EXOC1: variants seen among roughly 807,000 people sequenced by gnomAD.
The protein encoded by EXOC1 is exocyst complex component 1, also known as SEC3-like 1.
EXOC1 carries 67 observed loss-of-function variants against 107.7 expected under a neutral mutation model. The ratio of observed to expected loss-of-function variants is 0.62; its 90% confidence interval spans 0.51 to 0.76. The LOEUF is 0.76. Ranked by LOEUF, EXOC1 falls within the 30% of genes least tolerant of loss-of-function variation. The probability of loss-of-function intolerance (pLI) is 0.00; values close to 1 mark genes in which losing one functional copy is unlikely to be tolerated. For missense variants in EXOC1, 833 were observed against 1,055.7 expected (o/e 0.79, Z 2.92); for synonymous variants, 348 against 353.5 (o/e 0.98, Z 0.17).
In EXOC1 at chr4:55,866,973, G is replaced by C. The variant is rs771961458; in HGVS notation, c.416-1363G>C. The C allele has an allele frequency of 7.9e-5, 62 of 787,208 alleles. No individual in the cohort carries two copies. The Middle Eastern group carries it at 1.9e-3, about 24-fold the overall frequency. 48.8% of individuals were successfully genotyped at this position (787,208 alleles called of 1,614,324 possible). On this transcript the variant is annotated intron_variant, in intron 4 of 18. Transcript: ENST00000381295. ...ATATACCGTTGGTTGTATGTTTTAT[G>C]AAATGATGTACTGGGACAAATTTAT...
At position 55,890,358 on chromosome 4, in the gene EXOC1, A is replaced by G; in HGVS notation, c.1511A>G (p.Asp504Gly). The G allele has an allele frequency of 6.2e-7, 1 of 1,614,022 alleles. No homozygotes were observed. The highest frequency in any genetic ancestry group is 8.5e-7 in the Non-Finnish European group (1 of 1,179,964). Residue 504 changes from aspartate (D) to glycine (G), a missense_variant, in exon 12 of 19, where the codon GAT becomes GGT. By Grantham distance (94) the Asp-to-Gly change is moderately conservative. Coordinates refer to ENST00000381295, the MANE Select transcript of EXOC1 (RefSeq NM_001024924.2). ...GGAAACATGTCTGCCTCTGATCTCGATGTTGCTGACAGGACCAAATTTGAT... is the reference window on the plus strand; with the variant it reads ...GGAAACATGTCTGCCTCTGATCTCGGTGTTGCTGACAGGACCAAATTTGAT... Reference protein sequence around the residue: ...DMGNMSASDLDVADRTKFDKI... With the variant: ...DMGNMSASDLGVADRTKFDKI...
chr4:55,864,890 A>C (rs1223722846), intron 4 of EXOC1, among the ~76,000 whole-genome samples: 1 of 152,196 alleles, frequency 6.6e-6, no homozygotes, highest in Non-Finnish European at 1.5e-5. Context: ...ATTTTTGTAC[A>C]GAGGGTAGAT....
At chr4:55,902,648 T>G in intron 18 of EXOC1, 110 bp downstream of exon 18, 2 of 796,300 alleles carry the variant, frequency 2.5e-6, no homozygotes, top group Non-Finnish European at 3.6e-6. Context: ...AGAGTTCCAT[T>G]AGAGTACAGA....
intron 10 of EXOC1, chr4:55,885,496 G>A (rs932708039): frequency 5.3e-5 from 8 of 152,206 alleles, no homozygotes; most frequent in African/African-American, 1.9e-4. Flanking sequence ...TAGTTTTGTA[G>A]TTTTATAAGT....
At chr4:55,865,854 G>A (rs1222236013) in intron 4 of EXOC1, among the ~76,000 whole-genome samples, 1 of 151,734 alleles carries the variant, frequency 6.6e-6, no homozygotes, top group African/African-American at 2.4e-5. Context: ...CAATTTTTCA[G>A]GCCATAAAAC....
At position 55,904,954 on chromosome 4, in the gene EXOC1, G is replaced by A. The variant is rs532816698; in HGVS notation, c.*459G>A. The A allele has an allele frequency of 6.6e-6, 1 of 152,608 alleles. No homozygotes were observed. Among genetic ancestry groups the A allele is most frequent in the East Asian group, 1.9e-4 (1 of 5,182 alleles). 9.5% of individuals were successfully genotyped at this position (152,608 alleles called of 1,614,324 possible). On this transcript the variant is annotated 3_prime_UTR_variant, in exon 19 of 19. Coordinates refer to ENST00000381295, the MANE Select transcript of EXOC1 (RefSeq NM_001024924.2). ...GAGGGCTCATGTGATGATCATTTGTGAACTTAGATTTTTGAGGATTATGTG... is the reference window on the plus strand; with the variant it reads ...GAGGGCTCATGTGATGATCATTTGTAAACTTAGATTTTTGAGGATTATGTG...
intron 12 of EXOC1, 78 bp from the exon 13 acceptor site, chr4:55,891,232 CAGAAA>C (rs1724507169): frequency 1.2e-6 from 1 of 836,070 alleles, no homozygotes; most frequent in Admixed American, 1.9e-5. Context: ...ATGGTCTGTG[CAGAAA>C]AGAAAATTAA....
Position 55,870,881 on chromosome 4 carries a change from C to G in EXOC1, c.807C>G (p.Leu269=). The G allele has an allele frequency of 1.9e-6, 3 of 1,613,576 alleles. No individual in the cohort carries two copies. ...TTAGTAACACTAATAATGTAAAACT[C>G]CTATCTGAGATAGAGTTCCTTGTGG... ...IHLSNTNNVK[L]LSEIEFLVNH... is the part of the protein sequence containing the mutation. Residue 269 remains leucine, a synonymous_variant, in exon 6 of 19, where the codon CTC becomes CTG. Coordinates refer to ENST00000381295, the MANE Select transcript of EXOC1 (RefSeq NM_001024924.2).
At chr4:55,876,636 G>A in intron 8 of EXOC1, 2 of 985,186 alleles carry the variant, frequency 2.0e-6, no homozygotes, top group Admixed American at 6.1e-5. Flanking sequence ...AACTTCTGTT[G>A]CCCCTGTGTT....
At chr4:55,895,575 T>A (rs73238391) in intron 15 of EXOC1, among the ~76,000 whole-genome samples, 20,892 of 152,220 alleles carry the variant, frequency 0.14, 1,822 homozygotes, top group East Asian at 0.48. Flanking sequence ...ATGTGTCATA[T>A]GGTTTTTGAG....
At chr4:55,882,138 T>TCC in intron 9 of EXOC1, among the ~76,000 whole-genome samples, 1 of 152,146 alleles carries the variant, frequency 6.6e-6, no homozygotes, top group African/African-American at 2.4e-5. Flanking sequence ...TGTTTTGTTT[T>TCC]TGTTTTCGTT....
intron 8 of EXOC1, chr4:55,876,527 G>C (rs138697254): frequency 5.8e-5 from 54 of 923,896 alleles, no homozygotes; most frequent in Non-Finnish European, 7.0e-5. Context: ...TTGGTGCCAA[G>C]CTTAGTCTGA....
At position 55,896,799 on chromosome 4, in the gene EXOC1, A is replaced by G; in HGVS notation, c.2036A>G (p.Glu679Gly). ...ATTCTTCCATTTGTTGCTGAATTTG[A>G]AGAATTTGCTGGACTTGCAGAATCA... is the stretch of plus-strand genomic sequence containing the variant. ...VGILPFVAEFEEFAGLAESIF... is the reference protein window; with the variant it reads ...VGILPFVAEFGEFAGLAESIF... Residue 679 changes from glutamate (E) to glycine (G), a missense_variant, in exon 16 of 19, where the codon GAA becomes GGA. Physicochemically the swap from Glu to Gly is moderately conservative, Grantham distance 98 (BLOSUM62 -2). This residue lies in a region of EXOC1 where 216 missense variants were observed against 354.4 expected (regional missense o/e 0.61). Coordinates refer to ENST00000381295, the MANE Select transcript of EXOC1 (RefSeq NM_001024924.2). 1 of 1,612,264 alleles carries G rather than the reference A, an allele frequency of 6.2e-7. No individual in the cohort carries two copies. Among genetic ancestry groups the G allele is most frequent in the Non-Finnish European group, 8.5e-7 (1 of 1,179,452 alleles).
intron 5 of EXOC1, among the ~76,000 whole-genome samples, chr4:55,869,771 A>G (rs536047370): frequency 1.3e-5 from 2 of 152,354 alleles, no homozygotes; most frequent in Non-Finnish European, 2.9e-5. Flanking sequence ...TGTGGATAGT[A>G]TGTAAATAAC....
At chr4:55,899,927 A>G (rs369518849) in intron 17 of EXOC1, 43 bp downstream of exon 17, 54 of 1,535,362 alleles carry the variant, frequency 3.5e-5, no homozygotes, top group Admixed American at 1.1e-4. Flanking sequence ...TTTTGAACCT[A>G]TACACATAAG....
At chr4:55,867,877 GAAAGTAACA>G (rs1171035954) in intron 4 of EXOC1, among the ~76,000 whole-genome samples, 1 of 152,056 alleles carries the variant, frequency 6.6e-6, no homozygotes, top group Non-Finnish European at 1.5e-5. Context: ...TACTGAAGAT[GAAAGTAACA>G]AAAGTAACAA....
chr4:55,893,714 T>C lies in EXOC1; in HGVS notation c.1887T>C (p.Ala629=). 1.2e-6 allele frequency: 2 copies of C among 1,614,182 alleles called. No individual in the cohort carries two copies. Among genetic ancestry groups the C allele is most frequent in the Non-Finnish European group, 1.7e-6 (2 of 1,180,026 alleles). ...HVWTAQNVDP[A]SFLSTTLGNV... is the part of the protein sequence containing the mutation. ...GGACTGCACAAAATGTGGACCCTGC[T>C]TCTTTCCTAAGTACTACATTGGGAA... Residue 629 remains alanine (A), a synonymous_variant, in exon 15 of 19, where the codon GCT becomes GCC. Transcript: ENST00000381295.
intron 3 of EXOC1, among the ~76,000 whole-genome samples, chr4:55,861,152 CT>C (rs1411873960): frequency 1.3e-5 from 2 of 152,126 alleles, no homozygotes; most frequent in East Asian, 3.9e-4. Flanking sequence ...CAGCAATACC[CT>C]TTTTTCAAAG....
chr4:55,903,691 G>A (rs1322489970), intron 18 of EXOC1, among the ~76,000 whole-genome samples: 1 of 152,084 alleles, frequency 6.6e-6, no homozygotes, highest in Non-Finnish European at 1.5e-5. Flanking sequence ...TTTGTACTGT[G>A]CTGATAAAGA....
Sources: allele counts gnomAD v4.1 joint callset (sites outside exome capture counted in the v4.1 genomes callset), GRCh38; gene constraint gnomAD v4.1.1; regional missense constraint gnomAD v4.1.1; transcripts MANE v1.5; gene names NCBI Gene and HGNC (gene_info 2026-07-23, HGNC 2026-07-21).